Variants in TENM4 observed in about 807,000 individuals in gnomAD.
TENM4 encodes teneurin transmembrane protein 4, also known as teneurin-4.
Under a neutral mutation model 243.3 loss-of-function variants are expected in TENM4, and 82 were observed. The observed-to-expected ratio is 0.34, with a 90% CI of 0.28 to 0.40. The LOEUF (loss-of-function observed/expected upper bound fraction) is 0.40, where lower values mean the gene tolerates loss of function less well. Among genes scored for constraint, TENM4 ranks in the 10% least tolerant of loss-of-function variants. TENM4 has a pLI of 1.00. For synonymous variants in TENM4, 1,412 were observed against 1,456.3 expected, an observed-to-expected ratio of 0.97 and a Z score of 0.69; for missense variants, 3,138 against 3,673.3, an observed-to-expected ratio of 0.85 and a Z score of 3.77.
At chr11:79,339,772 A>G (rs1444443004) in intron 1 of TENM4, among the ~76,000 whole-genome samples, 3 of 152,138 alleles carry the variant, frequency 2.0e-5, no homozygotes, top group Non-Finnish European at 2.9e-5. Flanking sequence ...GGAGGAGAAA[A>G]GGGAGGAGAG....
At chr11:78,933,174 G>C (rs532997855) in intron 6 of TENM4, among the ~76,000 whole-genome samples, 1 of 152,280 alleles carries the variant, frequency 6.6e-6, no homozygotes, top group Non-Finnish European at 1.5e-5. Context: ...GTAAAAGGCT[G>C]CCCAGTGCTT....
intron 2 of TENM4, among the ~76,000 whole-genome samples, chr11:79,235,673 A>T (rs1003512402): frequency 6.6e-6 from 1 of 152,190 alleles, no homozygotes; most frequent in Non-Finnish European, 1.5e-5. Flanking sequence ...AGCTATAAAT[A>T]CATCAACGTA....
At chr11:79,316,609 A>T (rs1856806991) in intron 1 of TENM4, among the ~76,000 whole-genome samples, 3 of 152,178 alleles carry the variant, frequency 2.0e-5, no homozygotes, top group Admixed American at 2.0e-4. Context: ...CAAGTATTGC[A>T]GTGAGTTTAT....
At chr11:78,754,111 G>A (rs1344265733) in intron 19 of TENM4, among the ~76,000 whole-genome samples, 1 of 152,234 alleles carries the variant, frequency 6.6e-6, no homozygotes, top group African/African-American at 2.4e-5. Context: ...TGTGTAAGAT[G>A]AAGTGTTTCC....
intron 19 of TENM4, chr11:78,756,118 T>G (rs1357107354): frequency 6.6e-6 from 1 of 152,630 alleles, no homozygotes; most frequent in East Asian, 1.9e-4. Context: ...GTCTCTCCTC[T>G]TTAAGACTTG....
intron 1 of TENM4, among the ~76,000 whole-genome samples, chr11:79,327,120 TC>T (rs998848899): frequency 1.3e-5 from 2 of 152,096 alleles, no homozygotes; most frequent in Non-Finnish European, 2.9e-5. Flanking sequence ...CAGACATTTT[TC>T]CCCCAGCCTT....
At chr11:78,661,183 C>CTTATTA (rs763863187) in intron 33 of TENM4, among the ~76,000 whole-genome samples, 33 of 152,194 alleles carry the variant, frequency 2.2e-4, no homozygotes, top group Admixed American at 3.3e-4. Flanking sequence ...GTGACCAAGG[C>CTTATTA]TTATTATTTT....
rs1010375885 is a variant in TENM4 at position 78,669,775 on chromosome 11, A to G, written c.6570T>C (p.Thr2190=). Residue 2190 remains threonine (T), a synonymous_variant, in exon 32 of 34, where the codon ACT becomes ACC. Transcript: ENST00000278550. The surrounding 1 kb of genome is among the most constrained non-coding windows in gnomAD (Gnocchi z 6.4). Reference sequence around the variant, plus strand: ...CAGCATCATACTCATAGGAGTAGCGAGTGGTATTGGCGTAGGGTCCTACCT... The same window carrying G: ...CAGCATCATACTCATAGGAGTAGCGGGTGGTATTGGCGTAGGGTCCTACCT... The part of the protein sequence containing the change: ...ELKVGPYANT[T]RYSYEYDADG... 1.2e-6 allele frequency: 2 copies of G among 1,613,904 alleles called. No homozygotes were observed. Among genetic ancestry groups the G allele is most frequent in the Non-Finnish European group, 1.7e-6 (2 of 1,179,886 alleles).
At chr11:79,173,815 C>A (rs1863102060) in intron 3 of TENM4, among the ~76,000 whole-genome samples, 1 of 152,192 alleles carries the variant, frequency 6.6e-6, no homozygotes. Flanking sequence ...ATGTGGGACT[C>A]ACAGTGAAAA....
intron 4 of TENM4, among the ~76,000 whole-genome samples, chr11:79,120,509 G>A (rs991122014): frequency 6.6e-6 from 1 of 152,194 alleles, no homozygotes; most frequent in East Asian, 1.9e-4. Context: ...GGGACACATT[G>A]TTACTGGTAG....
chr11:79,293,535 A>C (rs1323766230), intron 2 of TENM4, among the ~76,000 whole-genome samples: 1 of 151,794 alleles, frequency 6.6e-6, no homozygotes, highest in Non-Finnish European at 1.5e-5. Context: ...AAAAAAAAGA[A>C]AAAAAAGTGT....
At chr11:78,663,664 A>C (rs1043917089) in intron 32 of TENM4, among the ~76,000 whole-genome samples, 8 of 152,148 alleles carry the variant, frequency 5.3e-5, no homozygotes, top group Non-Finnish European at 4.4e-5. Flanking sequence ...CTGTGAGCTT[A>C]GTTCCTTATA....
At chr11:79,273,854 G>A (rs1369962662) in intron 2 of TENM4, among the ~76,000 whole-genome samples, 1 of 152,214 alleles carries the variant, frequency 6.6e-6, no homozygotes, top group Non-Finnish European at 1.5e-5. Context: ...AACAAACCTT[G>A]AAACAACAGG....
intron 6 of TENM4, among the ~76,000 whole-genome samples, chr11:78,975,110 T>G (rs999034495): frequency 1.2e-4 from 15 of 128,782 alleles, no homozygotes; most frequent in Middle Eastern, 6.3e-3. Flanking sequence ...TGCAGCCTCA[T>G]GGGTGAAGGA....
At chr11:78,817,105 G>A (rs1011745817) in intron 12 of TENM4, among the ~76,000 whole-genome samples, 4 of 152,192 alleles carry the variant, frequency 2.6e-5, no homozygotes. Flanking sequence ...AAACTTAAAT[G>A]CAGCATAGCA....
chr11:78,915,856 C>G (rs1417853535), intron 6 of TENM4, among the ~76,000 whole-genome samples: 1 of 152,152 alleles, frequency 6.6e-6, no homozygotes, highest in Non-Finnish European at 1.5e-5. Context: ...CACTTTGTAG[C>G]CATCAGTAAT....
chr11:79,417,408 G>A (rs1858840719), intron 1 of TENM4, among the ~76,000 whole-genome samples: 1 of 152,132 alleles, frequency 6.6e-6, no homozygotes, highest in African/African-American at 2.4e-5. Context: ...GTGCCCAGAT[G>A]CCGTTGTTTG....
chr11:79,153,510 T>G (rs1285359354), intron 3 of TENM4, among the ~76,000 whole-genome samples: 9 of 151,996 alleles, frequency 5.9e-5, no homozygotes, highest in Admixed American at 5.9e-4. Flanking sequence ...CCGACTTGGG[T>G]AAGGAGCACA....
rs181651490 is a variant in TENM4 at position 79,103,825 on chromosome 11, C to T, written c.-65-33816G>A. 7.1e-3 allele frequency among the ~76,000 whole-genome samples: 1,086 copies of T among 152,262 alleles called. 33 individuals carry two copies. Among genetic ancestry groups the T allele is most frequent in the Non-Finnish European group, 4.0e-3 (270 of 68,034 alleles). On this transcript the variant is annotated intron_variant, in intron 4 of 33. Coordinates refer to ENST00000278550, the MANE Select transcript of TENM4 (RefSeq NM_001098816.3). ...AGGGCACCTTCCTCTGCTCCCCACT[C>T]GCTGTCTTAGGCGAACTGCTATCTG...
Sources: gnomAD v4.1 joint callset for allele counts (sites outside exome capture counted in the v4.1 genomes callset) on GRCh38, gnomAD v4.1.1 for gene constraint, Gnocchi (gnomAD v3.1) non-coding constraint, MANE v1.5 for transcripts, NCBI Gene and HGNC (gene_info 2026-07-23, HGNC 2026-07-21) for gene names.